The following GDPD1 variants were observed in gnomAD, a reference collection of about 807,000 sequenced individuals.
GDPD1 encodes the protein lysophospholipase D GDPD1.
Under a neutral mutation model 45.1 loss-of-function variants are expected in GDPD1, and 28 were observed. That is an observed-to-expected ratio of 0.62 (90% CI 0.46 to 0.85). The LOEUF (loss-of-function observed/expected upper bound fraction) is 0.85. Among genes scored for constraint, GDPD1 ranks in the 40% least tolerant of loss-of-function variants. GDPD1 has a pLI of 0.00. For missense variants in GDPD1, 256 were observed against 364.8 expected, an observed-to-expected ratio of 0.70 and a Z score of 2.43; for synonymous variants, 139 against 131.4, an observed-to-expected ratio of 1.06 and a Z score of -0.40.
At chr17:59,221,170 G>A (rs2047001410) in intron 1 of GDPD1, among the ~76,000 whole-genome samples, 1 of 152,122 alleles carries the variant, frequency 6.6e-6, no homozygotes, top group Non-Finnish European at 1.5e-5. Context: ...CGAGCTAGTG[G>A]CTGAGTGGAT....
chr17:59,265,116 C>T (rs890133130), intron 6 of GDPD1, among the ~76,000 whole-genome samples: 1 of 152,174 alleles, frequency 6.6e-6, no homozygotes, highest in Non-Finnish European at 1.5e-5. Flanking sequence ...GCTGGGATTA[C>T]AGGCGTGAGC....
At chr17:59,259,347 C>T (rs904807971) in intron 6 of GDPD1, among the ~76,000 whole-genome samples, 1 of 151,784 alleles carries the variant, frequency 6.6e-6, no homozygotes, top group African/African-American at 2.4e-5. Context: ...GAGGGCGGAT[C>T]ACGAGGTTGG....
chr17:59,244,823 C>A (rs1370675658), intron 2 of GDPD1, among the ~76,000 whole-genome samples: 1 of 151,288 alleles, frequency 6.6e-6, no homozygotes, highest in Non-Finnish European at 1.5e-5. Flanking sequence ...TAACAAGACC[C>A]TATCTCTACT....
intron 6 of GDPD1, among the ~76,000 whole-genome samples, chr17:59,264,543 T>C (rs775136664): frequency 2.0e-5 from 3 of 152,092 alleles, no homozygotes; most frequent in Non-Finnish European, 4.4e-5. Context: ...CCACCCGTCT[T>C]GGCCTCCCAA....
At chr17:59,221,115 A>G (rs1443055762) in intron 1 of GDPD1, among the ~76,000 whole-genome samples, 1 of 152,106 alleles carries the variant, frequency 6.6e-6, no homozygotes, top group African/African-American at 2.4e-5. Flanking sequence ...GCCGTGCAGA[A>G]CCGAGGGTAC....
intron 1 of GDPD1, among the ~76,000 whole-genome samples, chr17:59,224,274 A>G (rs2047028181): frequency 1.3e-5 from 2 of 152,180 alleles, no homozygotes; most frequent in African/African-American, 4.8e-5. Flanking sequence ...GATTACTCAT[A>G]TGGTTCAAAT....
intron 4 of GDPD1, among the ~76,000 whole-genome samples, chr17:59,255,822 TATATACGC>T (rs2047299795): frequency 1.4e-5 from 1 of 72,618 alleles, no homozygotes; most frequent in Non-Finnish European, 2.4e-5. Context: ...CGCGTATATA[TATATACGC>T]GTATATATAT....
intron 2 of GDPD1, among the ~76,000 whole-genome samples, chr17:59,238,145 G>A (rs1384863940): frequency 6.6e-6 from 1 of 150,854 alleles, no homozygotes; most frequent in Non-Finnish European, 1.5e-5. Flanking sequence ...GCGCATGCCT[G>A]TAATCCCAGC....
chr17:59,263,762 G>A (rs1229896369), intron 6 of GDPD1, among the ~76,000 whole-genome samples: 2 of 151,848 alleles, frequency 1.3e-5, no homozygotes, highest in African/African-American at 2.4e-5. Context: ...TTACAGGTGT[G>A]AGCCACCACG....
chr17:59,275,664 A>T lies in GDPD1; in HGVS notation c.*1891A>T. Among the ~76,000 whole-genome samples, 1 of 152,194 alleles carries T rather than the reference A, an allele frequency of 6.6e-6. No individual in the cohort carries two copies. The highest frequency in any genetic ancestry group is 1.5e-5 in the Non-Finnish European group (1 of 68,026). On this transcript the variant is annotated 3_prime_UTR_variant, in exon 10 of 10. Transcript: ENST00000284116. ...CCATAAAGATGTTCCTGATCTTTAA[A>T]ACTCATTAATCTGAGTATTAAGTAG... is the stretch of plus-strand genomic sequence containing the variant.
At chr17:59,229,686 A>G (rs533155131) in intron 1 of GDPD1, among the ~76,000 whole-genome samples, 8 of 152,266 alleles carry the variant, frequency 5.3e-5, no homozygotes, top group East Asian at 1.9e-4. Flanking sequence ...AAAGAAAAAT[A>G]TATATATAAC....
intron 1 of GDPD1, among the ~76,000 whole-genome samples, chr17:59,225,090 C>CTTTTTTTT (rs796851725): frequency 1.4e-4 from 16 of 113,656 alleles, no homozygotes; most frequent in African/African-American, 2.1e-4. Context: ...TCTTTCTTTT[C>CTTTTTTTT]TTTTTTTTTT....
rs1339680754 is a variant in GDPD1 at position 59,226,046 on chromosome 17, ATT to A, written c.142+5297_142+5298del. Among the ~76,000 whole-genome samples, 9 of 152,104 alleles carry A rather than the reference ATT, an allele frequency of 5.9e-5. No individual in the cohort carries two copies. In the East Asian group the frequency reaches 1.7e-3, roughly 29 times the overall value. On this transcript the variant is annotated intron_variant, in intron 1 of 9. Coordinates refer to ENST00000284116, the MANE Select transcript of GDPD1 (RefSeq NM_182569.4). The stretch of plus-strand genomic sequence containing the variant: ...TGGATTCAGAATTTCTTATTCACTG[ATT>A]TAAAAATCTGTTTACTATCATTATT...
chr17:59,222,822 A>G (rs540802016), intron 1 of GDPD1, among the ~76,000 whole-genome samples: 1 of 152,136 alleles, frequency 6.6e-6, no homozygotes, highest in African/African-American at 2.4e-5. Flanking sequence ...GCCAGAGGCA[A>G]TTTTCAATGA....
At chr17:59,255,139 C>A (rs1226221924) in intron 4 of GDPD1, among the ~76,000 whole-genome samples, 2 of 152,060 alleles carry the variant, frequency 1.3e-5, no homozygotes, top group East Asian at 3.8e-4. Context: ...TTTGATAATG[C>A]ATCTTTATTT....
At chr17:59,263,610 C>A (rs1262476640) in intron 6 of GDPD1, among the ~76,000 whole-genome samples, 1 of 151,538 alleles carries the variant, frequency 6.6e-6, no homozygotes, top group East Asian at 1.9e-4. Context: ...TCCCGAGTAG[C>A]TGGGATTACA....
At position 59,275,185 on chromosome 17, in the gene GDPD1, C is replaced by A; in HGVS notation, c.*1412C>A. ...GGCCATTGCAGCTATTTGGTAGTGT[C>A]TTGTTATTTCTAGGTGTACCTTAGT... On this transcript the variant is annotated 3_prime_UTR_variant, in exon 10 of 10. Transcript: ENST00000284116. 1 of 1,537,124 alleles carries A rather than the reference C, an allele frequency of 6.5e-7. No homozygotes were observed. Among genetic ancestry groups the A allele is most frequent in the Non-Finnish European group, 8.7e-7 (1 of 1,146,706 alleles).
chr17:59,228,658 G>A (rs903365675), intron 1 of GDPD1, among the ~76,000 whole-genome samples: 1 of 151,962 alleles, frequency 6.6e-6, no homozygotes. Flanking sequence ...TGAGGCAGGA[G>A]GATTGCTTGA....
At position 59,273,828 on chromosome 17, in the gene GDPD1, A is replaced by C. The variant is rs1374087003; in HGVS notation, c.*55A>C. On this transcript the variant is annotated 3_prime_UTR_variant, in exon 10 of 10. Transcript: ENST00000284116. ...AAAAATGAAGACCTAAGAAAAAAATATTTCATGATCATTTCCCTAAGCCAT... is the reference window on the plus strand; with the variant it reads ...AAAAATGAAGACCTAAGAAAAAAATCTTTCATGATCATTTCCCTAAGCCAT... The C allele has an allele frequency of 6.7e-7, 1 of 1,490,864 alleles. No individual in the cohort carries two copies. The highest frequency in any genetic ancestry group is 1.4e-5 in the African/African-American group (1 of 70,392). The allele number at this position is 1,490,864 out of a possible 1,614,324, so 92.4% of individuals were successfully genotyped here.
Sources: gnomAD v4.1 joint callset for allele counts (sites outside exome capture counted in the v4.1 genomes callset) on GRCh38, gnomAD v4.1.1 for gene constraint, MANE v1.5 for transcripts, NCBI Gene and HGNC (gene_info 2026-07-23, HGNC 2026-07-21) for gene names.